Variants in SRBD1 observed in about 807,000 individuals in gnomAD.
The protein encoded by SRBD1 is S1 RNA-binding domain-containing protein 1.
A neutral mutation model predicts 115.3 loss-of-function variants in SRBD1; 88 were observed. The observed-to-expected ratio is 0.76, with a 90% CI of 0.64 to 0.91. SRBD1 has a LOEUF of 0.91. SRBD1 is among the 40% of genes least tolerant of loss of function. The pLI, the probability that SRBD1 is intolerant of heterozygous loss-of-function variation, is 0.00. For synonymous variants in SRBD1, 509 were observed against 407.7 expected (o/e 1.25, Z -2.99); for missense variants, 1,385 against 1,177.4 (o/e 1.18, Z -2.58).
chr2:45,412,527 T>TA (rs2103856326), intron 19 of SRBD1, among the ~76,000 whole-genome samples: 2 of 152,300 alleles, frequency 1.3e-5, no homozygotes, highest in South Asian at 4.1e-4. Context: ...TAAGAATCTT[T>TA]AAAAAATGTC....
chr2:45,470,713 G>T (rs1385658139), intron 16 of SRBD1, among the ~76,000 whole-genome samples: 1 of 152,124 alleles, frequency 6.6e-6, no homozygotes, highest in African/African-American at 2.4e-5. Context: ...GCATCATCCT[G>T]CTCTCACTCT....
At chr2:45,443,500 A>G (rs998728882) in intron 16 of SRBD1, among the ~76,000 whole-genome samples, 2 of 152,120 alleles carry the variant, frequency 1.3e-5, no homozygotes, top group Non-Finnish European at 2.9e-5. Flanking sequence ...TTTTCTAGAC[A>G]TGTTAAGTTT....
chr2:45,507,579 G>A (rs1024557549), intron 14 of SRBD1, among the ~76,000 whole-genome samples: 7 of 151,796 alleles, frequency 4.6e-5, no homozygotes, highest in Non-Finnish European at 8.8e-5. Flanking sequence ...AAATTAGCCC[G>A]GCATGGTGGC....
intron 19 of SRBD1, among the ~76,000 whole-genome samples, chr2:45,394,598 A>G (rs1282652313): frequency 6.6e-6 from 1 of 152,206 alleles, no homozygotes; most frequent in Non-Finnish European, 1.5e-5. Flanking sequence ...TTGTGATTTT[A>G]AGTCTTTTTT....
rs1329437690 is a variant in SRBD1, at chr2:45,528,859, C to T, written c.1874+17873G>A. On this transcript the variant is annotated intron_variant, in intron 14 of 20. Transcript: ENST00000263736. The stretch of plus-strand genomic sequence containing the variant: ...AGCAGGAGAGAAAAACAGCAGTGTA[C>T]GAAACTGAAAAGGAATCTAGATAAG... Among the ~76,000 whole-genome samples, 4 of 151,786 alleles carry T rather than the reference C, an allele frequency of 2.6e-5. No homozygotes were observed. In the East Asian group the frequency reaches 5.8e-4, roughly 22 times the overall value.
intron 14 of SRBD1, among the ~76,000 whole-genome samples, chr2:45,545,770 T>C (rs796674577): frequency 1.2e-4 from 19 of 152,360 alleles, no homozygotes; most frequent in African/African-American, 4.6e-4. Flanking sequence ...CCTCACCTTC[T>C]CTTACTCCCC....
chr2:45,562,478 C>T (rs562635202), intron 10 of SRBD1, among the ~76,000 whole-genome samples, 175 bp downstream of exon 10: 53 of 152,334 alleles, frequency 3.5e-4, no homozygotes, highest in African/African-American at 1.2e-3. Context: ...GCGATCCACC[C>T]CCCTCAGCCT....
At chr2:45,595,453 T>C (rs1300149684) in intron 4 of SRBD1, among the ~76,000 whole-genome samples, 1 of 152,236 alleles carries the variant, frequency 6.6e-6, no homozygotes, top group South Asian at 2.1e-4. Context: ...CCCAAAGAAT[T>C]TGGACATACA....
At chr2:45,547,022 G>A (rs1672142631) in intron 13 of SRBD1, among the ~76,000 whole-genome samples, 183 bp from the exon 14 acceptor site, 1 of 152,140 alleles carries the variant, frequency 6.6e-6, no homozygotes, top group Non-Finnish European at 1.5e-5. Context: ...ACACTGCCCT[G>A]CATTTGGTAT....
intron 4 of SRBD1, among the ~76,000 whole-genome samples, chr2:45,587,362 C>T (rs1673580964): frequency 6.6e-6 from 1 of 150,868 alleles, no homozygotes; most frequent in African/African-American, 2.4e-5. Flanking sequence ...CAGGTTTTAG[C>T]AAAATGTACA....
chr2:45,572,272 A>G (rs981797026), intron 9 of SRBD1, among the ~76,000 whole-genome samples: 2 of 152,124 alleles, frequency 1.3e-5, no homozygotes, highest in African/African-American at 2.4e-5. Context: ...CAAGAATTCT[A>G]TATTTTAAAA....
At chr2:45,479,414 A>G (rs1669895996) in intron 15 of SRBD1, among the ~76,000 whole-genome samples, 1 of 152,166 alleles carries the variant, frequency 6.6e-6, no homozygotes, top group Non-Finnish European at 1.5e-5. Flanking sequence ...AAGGAAATTA[A>G]AAGTGTGACT....
At position 45,413,248 on chromosome 2, in the gene SRBD1, T is replaced by C. The variant is rs1391183498; in HGVS notation, c.2379A>G (p.Thr793=). ...TTGTGACCTCAACGTCTGCTGAAGATGTCACAGCAACTCCTTGAATTTGGC... is the reference window on the plus strand; with the variant it reads ...TTGTGACCTCAACGTCTGCTGAAGACGTCACAGCAACTCCTTGAATTTGGC... ...TSGQIQGVAV[T]SSADVEVTNE... The change falls in exon 19 of 21, where the codon ACA becomes ACG. Residue 793 remains threonine, a synonymous_variant. Transcript: ENST00000263736. 3 of 1,614,096 alleles carry C rather than the reference T, an allele frequency of 1.9e-6. No individual in the cohort carries two copies. Among genetic ancestry groups the C allele is most frequent in the Admixed American group, 1.7e-5 (1 of 60,010 alleles).
At chr2:45,606,937 T>A (rs7591446) in intron 1 of SRBD1, among the ~76,000 whole-genome samples, 2 of 152,062 alleles carry the variant, frequency 1.3e-5, no homozygotes, top group Non-Finnish European at 2.9e-5. Context: ...TAATCTCTCA[T>A]GGAAATACTA....
In SRBD1 at chr2:45,492,405, T is replaced by G. The variant is rs1478276357; in HGVS notation, c.1875-4074A>C. On this transcript the variant is annotated intron_variant, in intron 14 of 20. Transcript: ENST00000263736. ...CCAAATTGAGATGGGAAGGTGAGATTATTTTCATGAGAAAGAAAAACTAGG... is the reference window on the plus strand; with the variant it reads ...CCAAATTGAGATGGGAAGGTGAGATGATTTTCATGAGAAAGAAAAACTAGG... 5.9e-5 allele frequency among the ~76,000 whole-genome samples: 9 copies of G among 152,252 alleles called. No individual in the cohort carries two copies. In the South Asian group the frequency reaches 1.2e-3, roughly 21 times the overall value.
Position 45,389,567 on chromosome 2 carries a change from C to T in SRBD1, c.2731G>A (p.Val911Ile), listed in dbSNP as rs1353205646. 2 of 1,613,520 alleles carry T rather than the reference C, an allele frequency of 1.2e-6. No homozygotes were observed. Among genetic ancestry groups the T allele is most frequent in the African/African-American group, 1.3e-5 (1 of 74,868 alleles). Residue 911 changes from valine (V) to isoleucine (I), a missense_variant, in exon 21 of 21, where the codon GTA becomes ATA. Val to Ile is a conservative substitution (Grantham distance 29, BLOSUM62 3). Transcript: ENST00000263736. Reference sequence around the variant, plus strand: ...CCAATCTGCAGATCTTCCAGGCATACTATGCTTCTCTTGAAATCAGGTTTA... The same window carrying T: ...CCAATCTGCAGATCTTCCAGGCATATTATGCTTCTCTTGAAATCAGGTTTA... ...FDKPDFKRSI[V>I]CLEDLQIGTV...
intron 4 of SRBD1, among the ~76,000 whole-genome samples, chr2:45,587,162 A>T (rs1002638251): frequency 1.4e-5 from 2 of 144,676 alleles, no homozygotes; most frequent in Admixed American, 6.9e-5. Context: ...ATTATTTTAA[A>T]TTATAAATAT....
intron 14 of SRBD1, among the ~76,000 whole-genome samples, chr2:45,536,709 T>G (rs909223245): frequency 1.1e-4 from 16 of 152,178 alleles, no homozygotes; most frequent in African/African-American, 3.6e-4. Context: ...TTTGTCCAGC[T>G]TACATATCCC....
intron 16 of SRBD1, among the ~76,000 whole-genome samples, chr2:45,435,480 T>C (rs1176926775): frequency 6.6e-6 from 1 of 150,872 alleles, no homozygotes; most frequent in East Asian, 2.0e-4. Flanking sequence ...GTTACTCATA[T>C]AAGTGACATC....
Sources: gnomAD v4.1 joint callset for allele counts (sites outside exome capture counted in the v4.1 genomes callset) on GRCh38, gnomAD v4.1.1 for gene constraint, MANE v1.5 for transcripts, NCBI Gene and HGNC (gene_info 2026-07-23, HGNC 2026-07-21) for gene names.